Variants in SDK1 observed in about 807,000 individuals in gnomAD.
SDK1 encodes sidekick cell adhesion molecule 1, also known as protein sidekick-1.
A neutral mutation model predicts 245.5 loss-of-function variants in SDK1; 157 were observed. The ratio of observed to expected loss-of-function variants is 0.64; its 90% CI spans 0.56 to 0.73. The LOEUF (loss-of-function observed/expected upper bound fraction) is 0.73. Ranked by LOEUF, SDK1 falls within the 30% of genes least tolerant of loss-of-function variation. SDK1 has a pLI of 0.00. For synonymous variants in SDK1, 1,647 were observed against 1,278.5 expected, an observed-to-expected ratio of 1.29 and a Z score of -6.15; for missense variants, 3,583 against 3,002.3, an observed-to-expected ratio of 1.19 and a Z score of -4.52.
intron 1 of SDK1, among the ~76,000 whole-genome samples, chr7:3,526,528 C>G (rs1289749523): frequency 2.0e-5 from 3 of 152,102 alleles, no homozygotes; most frequent in Non-Finnish European, 2.9e-5. Context: ...GAGTGTGTCT[C>G]TGAATTTTTT....
intron 1 of SDK1, among the ~76,000 whole-genome samples, chr7:3,510,831 A>G (rs1424327651): frequency 6.6e-6 from 1 of 152,212 alleles, no homozygotes; most frequent in Non-Finnish European, 1.5e-5. Context: ...GTAGATGTAA[A>G]TTACCCCAAC....
chr7:3,342,607 A>AT (rs1358081947), intron 1 of SDK1, among the ~76,000 whole-genome samples: 1 of 152,144 alleles, frequency 6.6e-6, no homozygotes, highest in Non-Finnish European at 1.5e-5. Context: ...GAAAAAAAAA[A>AT]GGAAGTCTTC....
chr7:3,506,760 G>A lies in SDK1; in HGVS notation c.299-112320G>A, dbSNP rs559109361. Among the ~76,000 whole-genome samples, 9 of 150,836 alleles carry A rather than the reference G, an allele frequency of 6.0e-5. No homozygotes were observed. In the South Asian group the frequency reaches 1.9e-3, roughly 31 times the overall value. ...TTAACTATATCCAGGGAGTATTCCA[G>A]TTCAGGTGTTGTATTTTTCAACTCC... On this transcript the variant is annotated intron_variant, in intron 1 of 44. Coordinates refer to ENST00000404826, the MANE Select transcript of SDK1 (RefSeq NM_152744.4).
chr7:3,505,146 A>C (rs1180987405), intron 1 of SDK1, among the ~76,000 whole-genome samples: 2 of 152,166 alleles, frequency 1.3e-5, no homozygotes, highest in Non-Finnish European at 2.9e-5. Context: ...TTTTTTCATA[A>C]TCTCTTTTAG....
chr7:4,022,443 G>T (rs1030635805), intron 17 of SDK1, among the ~76,000 whole-genome samples: 3 of 152,178 alleles, frequency 2.0e-5, no homozygotes, highest in African/African-American at 7.2e-5. Flanking sequence ...GAAAGATGGT[G>T]CAGCGTGCGC....
chr7:4,268,456 G>T lies in SDK1; in HGVS notation c.*3072G>T. On this transcript the variant is annotated 3_prime_UTR_variant, in exon 45 of 45. Coordinates refer to ENST00000404826, the MANE Select transcript of SDK1 (RefSeq NM_152744.4). Reference sequence around the variant, plus strand: ...CCTCTCTCCCAGCCTGCTTTTATAAGGCGCACTTCACTCAATGCTGTAGCC... The same window carrying T: ...CCTCTCTCCCAGCCTGCTTTTATAATGCGCACTTCACTCAATGCTGTAGCC... 1 of 1,137,614 alleles carries T rather than the reference G, an allele frequency of 8.8e-7. No homozygotes were observed. Among genetic ancestry groups the T allele is most frequent in the Non-Finnish European group, 1.1e-6 (1 of 912,742 alleles). The allele number at this position is 1,137,614 out of a possible 1,614,324, so 70.5% of individuals were successfully genotyped here.
chr7:4,002,052 T>C (rs1488027368), intron 14 of SDK1, among the ~76,000 whole-genome samples: 1 of 152,262 alleles, frequency 6.6e-6, no homozygotes, highest in Non-Finnish European at 1.5e-5. Flanking sequence ...CTTGGAATTC[T>C]ACAGTGCCAC....
chr7:4,054,236 C>G (rs1191638805), intron 19 of SDK1, among the ~76,000 whole-genome samples: 1 of 152,184 alleles, frequency 6.6e-6, no homozygotes, highest in Non-Finnish European at 1.5e-5. Context: ...CCACCACACT[C>G]ACCAAGGTTA....
intron 1 of SDK1, among the ~76,000 whole-genome samples, chr7:3,414,247 G>C (rs1211412634): frequency 6.6e-6 from 1 of 152,102 alleles, no homozygotes; most frequent in Admixed American, 6.6e-5. Context: ...GGAGGAGGAG[G>C]AGAAATTTGA....
At chr7:3,534,933 C>G (rs1197609539) in intron 1 of SDK1, among the ~76,000 whole-genome samples, 1 of 152,182 alleles carries the variant, frequency 6.6e-6, no homozygotes, top group South Asian at 2.1e-4. Flanking sequence ...AGTCAGTGGA[C>G]AGCTCATTTG....
In SDK1 at chr7:4,161,839, G is replaced by A. The variant is rs144029630; in HGVS notation, c.4783G>A (p.Val1595Ile). 20 of 1,614,010 alleles carry A rather than the reference G, an allele frequency of 1.2e-5. No homozygotes were observed. Among genetic ancestry groups the A allele is most frequent in the Middle Eastern group, 3.3e-4 (2 of 6,084 alleles). Residue 1595 changes from valine to isoleucine, a missense_variant, in exon 32 of 45, where the codon GTC becomes ATC. By Grantham distance (29) the Val-to-Ile change is conservative. Coordinates refer to ENST00000404826, the MANE Select transcript of SDK1 (RefSeq NM_152744.4). ...VSATPHTTSSVLIQWQPPRDE... is the reference protein window; with the variant it reads ...VSATPHTTSSILIQWQPPRDE... ...AGCGACGCCACACACCACGTCCTCT[G>A]TCCTGATACAGTGGCAGGTAAGAGC...
At chr7:3,696,515 G>A (rs539316361) in intron 4 of SDK1, among the ~76,000 whole-genome samples, 2 of 151,870 alleles carry the variant, frequency 1.3e-5, no homozygotes, top group African/African-American at 4.8e-5. Flanking sequence ...TGGTGATGGT[G>A]CTCTGTAATA....
chr7:4,237,865 G>A (rs1038231538), intron 42 of SDK1, 81 bp downstream of exon 42: 86 of 1,511,846 alleles, frequency 5.7e-5, no homozygotes, highest in South Asian at 1.3e-4. Context: ...TGGATCTGCC[G>A]GGCCCGTGTC....
chr7:3,793,423 A>G (rs1778868203), intron 4 of SDK1, among the ~76,000 whole-genome samples: 1 of 152,150 alleles, frequency 6.6e-6, no homozygotes, highest in East Asian at 1.9e-4. Context: ...CCAGCGATTG[A>G]CGTGACAAAC....
At chr7:3,779,090 G>T (rs980339586) in intron 4 of SDK1, among the ~76,000 whole-genome samples, 3 of 152,080 alleles carry the variant, frequency 2.0e-5, no homozygotes, top group Admixed American at 6.6e-5. Context: ...TTATCATTTG[G>T]CTAAGAATTC....
chr7:3,917,070 G>A (rs1395217759), intron 5 of SDK1, among the ~76,000 whole-genome samples: 1 of 152,186 alleles, frequency 6.6e-6, no homozygotes, highest in Non-Finnish European at 1.5e-5. Flanking sequence ...ACAAACTGAT[G>A]ACAACATAAT....
At position 3,465,739 on chromosome 7, in the gene SDK1, C is replaced by T. The variant is rs116806787; in HGVS notation, c.299-153341C>T. Among the ~76,000 whole-genome samples the T allele has an allele frequency of 4.1e-3, 622 of 152,260 alleles. 7 individuals carry two copies. The highest frequency in any genetic ancestry group is 0.014 in the African/African-American group (582 of 41,552). On this transcript the variant is annotated intron_variant, in intron 1 of 44. Coordinates refer to ENST00000404826, the MANE Select transcript of SDK1 (RefSeq NM_152744.4). Reference sequence around the variant, plus strand: ...GTCTGGGAAGGTGTGAAGGAGTGTCCTGTCAGCCAGTTGAGACCACTGTGT... The same window carrying T: ...GTCTGGGAAGGTGTGAAGGAGTGTCTTGTCAGCCAGTTGAGACCACTGTGT...
intron 5 of SDK1, among the ~76,000 whole-genome samples, chr7:3,935,608 G>C (rs1195633063): frequency 6.6e-6 from 1 of 152,108 alleles, no homozygotes; most frequent in Non-Finnish European, 1.5e-5. Context: ...ACAAATGACT[G>C]GTAAGCACAT....
intron 1 of SDK1, chr7:3,338,548 A>G: frequency 2.7e-6 from 1 of 369,342 alleles, no homozygotes; most frequent in South Asian, 2.8e-5. Context: ...TGTGAGAAGC[A>G]GTGGAGAGGA....
Sources: allele counts gnomAD v4.1 joint callset (sites outside exome capture counted in the v4.1 genomes callset), GRCh38; gene constraint gnomAD v4.1.1; transcripts MANE v1.5; gene names NCBI Gene and HGNC (gene_info 2026-07-23, HGNC 2026-07-21).